The following SGCZ variants were observed in gnomAD, a reference collection of about 807,000 sequenced individuals.
SGCZ encodes the protein sarcoglycan zeta, also known as zeta-sarcoglycan.
In SGCZ, 40 loss-of-function variants were observed where a neutral mutation model predicts 41.3. The observed-to-expected ratio is 0.97, with a 90% CI of 0.75 to 1.26. The LOEUF (loss-of-function observed/expected upper bound fraction) is 1.26. Among genes scored for constraint, SGCZ ranks in the 50% most tolerant of loss-of-function variants. The pLI is 0.00. For synonymous variants in SGCZ, 206 were observed against 137.5 expected (o/e 1.50, Z -3.49); for missense variants, 552 against 369.8 (o/e 1.49, Z -4.04).
intron 2 of SGCZ, among the ~76,000 whole-genome samples, chr8:14,523,652 T>G (rs1802855231): frequency 6.6e-6 from 1 of 152,094 alleles, no homozygotes; most frequent in Admixed American, 6.6e-5. Flanking sequence ...GCTTTAGATT[T>G]CTTTGAATTT....
intron 1 of SGCZ, among the ~76,000 whole-genome samples, chr8:14,776,437 G>A (rs909544565): frequency 6.6e-6 from 1 of 150,884 alleles, no homozygotes; most frequent in African/African-American, 2.4e-5. Context: ...CATTAAACCT[G>A]TTTCCTTTAT....
chr8:14,345,252 A>T (rs1802855285), intron 2 of SGCZ, among the ~76,000 whole-genome samples: 1 of 152,144 alleles, frequency 6.6e-6, no homozygotes, highest in Non-Finnish European at 1.5e-5. Context: ...TTAGAGTCAG[A>T]AATCTTAAAA....
At chr8:14,587,265 A>G (rs1296593978) in intron 1 of SGCZ, among the ~76,000 whole-genome samples, 1 of 151,872 alleles carries the variant, frequency 6.6e-6, no homozygotes, top group Non-Finnish European at 1.5e-5. Context: ...ATATAGCCAG[A>G]TTTTTAAAAA....
At chr8:14,804,531 A>G (rs1345906596) in intron 1 of SGCZ, among the ~76,000 whole-genome samples, 3 of 133,162 alleles carry the variant, frequency 2.3e-5, no homozygotes, top group Non-Finnish European at 4.9e-5. Flanking sequence ...GTTAGAGAAA[A>G]AAGAATAAAA....
At chr8:14,109,866 A>T (rs1192263992) in intron 5 of SGCZ, among the ~76,000 whole-genome samples, 1 of 152,150 alleles carries the variant, frequency 6.6e-6, no homozygotes, top group Admixed American at 6.5e-5. Flanking sequence ...CTGCTGCAGT[A>T]AATCCCTAAG....
intron 1 of SGCZ, among the ~76,000 whole-genome samples, chr8:14,582,969 A>G (rs1804941660): frequency 6.6e-6 from 1 of 151,976 alleles, no homozygotes; most frequent in Admixed American, 6.6e-5. Context: ...CAATAAAAAT[A>G]CGTGTGCATG....
At chr8:14,647,669 T>A (rs1054064833) in intron 1 of SGCZ, among the ~76,000 whole-genome samples, 1 of 152,006 alleles carries the variant, frequency 6.6e-6, no homozygotes, top group Non-Finnish European at 1.5e-5. Context: ...AAATGTGTCA[T>A]TCAAATATAA....
At chr8:15,212,828 A>C (rs1801277207) in intron 1 of SGCZ, among the ~76,000 whole-genome samples, 1 of 152,080 alleles carries the variant, frequency 6.6e-6, no homozygotes, top group African/African-American at 2.4e-5. Flanking sequence ...ATATATTAAA[A>C]CATACTAAAA....
chr8:14,134,167 A>C (rs1803125432), intron 5 of SGCZ, among the ~76,000 whole-genome samples: 1 of 152,248 alleles, frequency 6.6e-6, no homozygotes, highest in African/African-American at 2.4e-5. Flanking sequence ...GCATTTTCAA[A>C]CATATTCTTG....
At chr8:15,031,304 A>T (rs1403908406) in intron 1 of SGCZ, among the ~76,000 whole-genome samples, 1 of 152,134 alleles carries the variant, frequency 6.6e-6, no homozygotes, top group Admixed American at 6.5e-5. Flanking sequence ...AAGGATCCTC[A>T]TGCCTCGCCC....
At chr8:14,709,096 C>G (rs1014409617) in intron 1 of SGCZ, among the ~76,000 whole-genome samples, 1 of 152,114 alleles carries the variant, frequency 6.6e-6, no homozygotes, top group Non-Finnish European at 1.5e-5. Context: ...AATTTGAATT[C>G]TATCCCTTTC....
intron 1 of SGCZ, among the ~76,000 whole-genome samples, chr8:14,875,405 G>A (rs1804315471): frequency 6.6e-6 from 1 of 152,124 alleles, no homozygotes. Context: ...TTTTGGAGGG[G>A]ACATACATTC....
chr8:14,458,342 T>C (rs902990289), intron 2 of SGCZ, among the ~76,000 whole-genome samples: 3 of 152,170 alleles, frequency 2.0e-5, no homozygotes, highest in African/African-American at 7.2e-5. Context: ...GATATCATAA[T>C]GCCAAAGACA....
At chr8:14,655,601 T>A (rs961656979) in intron 1 of SGCZ, among the ~76,000 whole-genome samples, 29 of 152,106 alleles carry the variant, frequency 1.9e-4, no homozygotes, top group African/African-American at 6.5e-4. Context: ...TTGTAAGAAA[T>A]AATATAGAGA....
chr8:14,619,251 A>G (rs1230343397), intron 1 of SGCZ, among the ~76,000 whole-genome samples: 1 of 152,170 alleles, frequency 6.6e-6, no homozygotes, highest in African/African-American at 2.4e-5. Flanking sequence ...CCTTCATGCT[A>G]AAAACTCTCA....
At chr8:14,726,315 T>A (rs4831308) in intron 1 of SGCZ, among the ~76,000 whole-genome samples, 1 of 123,140 alleles carries the variant, frequency 8.1e-6, no homozygotes, top group African/African-American at 3.3e-5. Context: ...TAAATACATA[T>A]ATATATATCT....
At chr8:14,373,844 G>A (rs969787774) in intron 2 of SGCZ, among the ~76,000 whole-genome samples, 1 of 152,094 alleles carries the variant, frequency 6.6e-6, no homozygotes, top group Non-Finnish European at 1.5e-5. Flanking sequence ...TAAGAAAGCT[G>A]ATTCTAGATC....
At chr8:14,767,261 A>G (rs943941490) in intron 1 of SGCZ, among the ~76,000 whole-genome samples, 2 of 152,190 alleles carry the variant, frequency 1.3e-5, no homozygotes, top group Non-Finnish European at 1.5e-5. Flanking sequence ...CTGAAGCCAC[A>G]TAAGGAAGCC....
intron 1 of SGCZ, among the ~76,000 whole-genome samples, chr8:15,050,676 G>A (rs1804479215): frequency 6.6e-6 from 1 of 152,134 alleles, no homozygotes; most frequent in Admixed American, 6.6e-5. Context: ...TGGAGCATTG[G>A]AAATGCAAGC....
Sources: allele counts gnomAD v4.1 joint callset (sites outside exome capture counted in the v4.1 genomes callset), GRCh38; gene constraint gnomAD v4.1.1; transcripts MANE v1.5; gene names NCBI Gene and HGNC (gene_info 2026-07-23, HGNC 2026-07-21).